Variants in TMOD1 observed in about 807,000 individuals in gnomAD.
TMOD1 encodes tropomodulin-1.
Under a neutral mutation model 40.6 loss-of-function variants are expected in TMOD1, and 17 were observed. The ratio of observed to expected loss-of-function variants is 0.42; its 90% CI spans 0.29 to 0.63. The LOEUF (loss-of-function observed/expected upper bound fraction) is 0.63, where lower values mean the gene tolerates loss of function less well. TMOD1 is among the 20% of genes least tolerant of loss of function. The pLI is 0.22. For synonymous variants in TMOD1, 181 were observed against 175.0 expected (o/e 1.03, Z -0.27); for missense variants, 391 against 447.6 (o/e 0.87, Z 1.14).
At chr9:97,582,339 G>A (rs1213199960) in intron 8 of TMOD1, among the ~76,000 whole-genome samples, 1 of 144,096 alleles carries the variant, frequency 6.9e-6, no homozygotes, top group African/African-American at 2.6e-5. Flanking sequence ...TGAGGGCTCT[G>A]TTCTGTTCCA....
rs189544502 is a variant in TMOD1, at chr9:97,557,009, C to A, written c.397+3609C>A. On this transcript the variant is annotated intron_variant, in intron 4 of 9. Coordinates refer to ENST00000259365, the MANE Select transcript of TMOD1 (RefSeq NM_003275.4). The surrounding 1 kb of genome is among the most constrained non-coding windows in gnomAD (Gnocchi z 4.4). ...ACTCAGGTGTGACACGGGTGAGATGCATCACTCATGTATTCACCTAACTGC... is the reference window on the plus strand; with the variant it reads ...ACTCAGGTGTGACACGGGTGAGATGAATCACTCATGTATTCACCTAACTGC... Among the ~76,000 whole-genome samples, 29 of 152,230 alleles carry A rather than the reference C, an allele frequency of 1.9e-4. No homozygotes were observed. The highest frequency in any genetic ancestry group is 6.5e-4 in the African/African-American group (27 of 41,544).
intron 8 of TMOD1, among the ~76,000 whole-genome samples, chr9:97,581,027 G>T: frequency 7.5e-6 from 1 of 133,932 alleles, no homozygotes; most frequent in African/African-American, 2.8e-5. Context: ...AAGTTTTAGG[G>T]TACATGTGCA....
Position 97,501,794 on chromosome 9 carries a change from C to T in TMOD1, c.-58C>T, listed in dbSNP as rs1373414266. The T allele has an allele frequency of 6.5e-6, 1 of 152,822 alleles. No homozygotes were observed. The highest frequency in any genetic ancestry group is 2.4e-5 in the African/African-American group (1 of 41,344). 9.5% of individuals were successfully genotyped at this position (152,822 alleles called of 1,614,324 possible). On this transcript the variant is annotated 5_prime_UTR_variant, in exon 1 of 10. Coordinates refer to ENST00000259365, the MANE Select transcript of TMOD1 (RefSeq NM_003275.4). ...CCGCGTCCGCGCCGGCCCCACAGCT[C>T]TGCGTCCGGGTAAGCCCCCACCCCG...
chr9:97,531,428 TA>T (rs2131230173), intron 2 of TMOD1, among the ~76,000 whole-genome samples: 1 of 152,120 alleles, frequency 6.6e-6, no homozygotes, highest in African/African-American at 2.4e-5. Context: ...CTGGCCAACA[TA>T]GAGAAACCCT....
chr9:97,577,431 C>A (rs1418838588), intron 8 of TMOD1, among the ~76,000 whole-genome samples: 1 of 152,144 alleles, frequency 6.6e-6, no homozygotes, highest in African/African-American at 2.4e-5. Context: ...TGCAACTGAC[C>A]CATGCTAGGA....
At chr9:97,569,946 G>GTT (rs549426839) in intron 8 of TMOD1, among the ~76,000 whole-genome samples, 4 of 147,284 alleles carry the variant, frequency 2.7e-5, no homozygotes, top group African/African-American at 9.9e-5. Context: ...TGGGGACTCA[G>GTT]TTTTTTTTTT....
intron 1 of TMOD1, among the ~76,000 whole-genome samples, chr9:97,508,142 G>T (rs1271951373): frequency 6.7e-6 from 1 of 150,042 alleles, no homozygotes; most frequent in Non-Finnish European, 1.5e-5. Context: ...CAAATCCAAG[G>T]TCTACTAGTT....
At chr9:97,575,491 C>G (rs1830918476) in intron 8 of TMOD1, among the ~76,000 whole-genome samples, 1 of 152,242 alleles carries the variant, frequency 6.6e-6, no homozygotes, top group Non-Finnish European at 1.5e-5. Context: ...GAGCAGGTAT[C>G]TCAAAGGGGG....
At chr9:97,516,851 A>G (rs1829818409) in intron 1 of TMOD1, 1 of 152,174 alleles carries the variant, frequency 6.6e-6, no homozygotes, top group African/African-American at 2.4e-5. Flanking sequence ...GTTAGTGTTT[A>G]ATAGGGACAG....
chr9:97,588,980 G>T (rs1476291067), intron 8 of TMOD1, among the ~76,000 whole-genome samples: 1 of 151,690 alleles, frequency 6.6e-6, no homozygotes, highest in Non-Finnish European at 1.5e-5. Context: ...AGCCACGTAT[G>T]GTGGCATGCG....
intron 2 of TMOD1, among the ~76,000 whole-genome samples, chr9:97,539,980 A>AAG (rs1181582634): frequency 6.6e-6 from 1 of 151,424 alleles, no homozygotes; most frequent in Non-Finnish European, 1.5e-5. Flanking sequence ...TCAAAAAAAA[A>AAG]AAAAAAAAAA....
At chr9:97,576,261 C>T (rs767280176) in intron 8 of TMOD1, among the ~76,000 whole-genome samples, 11 of 152,064 alleles carry the variant, frequency 7.2e-5, no homozygotes, top group Non-Finnish European at 1.6e-4. Flanking sequence ...GTCAACATAG[C>T]AAGACCCCAT....
chr9:97,576,861 G>C (rs918792304), intron 8 of TMOD1, among the ~76,000 whole-genome samples: 1 of 151,744 alleles, frequency 6.6e-6, no homozygotes, highest in Non-Finnish European at 1.5e-5. Context: ...GGATGGTCTC[G>C]ATCTCCTGAC....
chr9:97,566,104 T>C, intron 7 of TMOD1, 149 bp downstream of exon 7: 1 of 615,032 alleles, frequency 1.6e-6, no homozygotes, highest in Non-Finnish European at 2.8e-6. Flanking sequence ...ATGAGGGGTG[T>C]AGAGGGAACA....
rs1829524146 is a variant in TMOD1 at position 97,502,684 on chromosome 9, C to T, written c.-49+881C>T. Among the ~76,000 whole-genome samples the T allele has an allele frequency of 6.6e-6, 1 of 152,192 alleles. No homozygotes were observed. Among genetic ancestry groups the T allele is most frequent in the East Asian group, 1.9e-4 (1 of 5,178 alleles). On this transcript the variant is annotated intron_variant, in intron 1 of 9. Coordinates refer to ENST00000259365, the MANE Select transcript of TMOD1 (RefSeq NM_003275.4). This position sits in a 1 kb window ranked among gnomAD's most constrained non-coding sequence, Gnocchi z 6.1. ...CGCTGCAGAAATCGGAGACTGACTG[C>T]CCCAGACTCGATCGTATCCTGGGAC... is the stretch of plus-strand genomic sequence containing the variant.
intron 8 of TMOD1, among the ~76,000 whole-genome samples, chr9:97,576,033 G>A (rs574418986): frequency 2.5e-4 from 38 of 152,060 alleles, no homozygotes; most frequent in Admixed American, 2.0e-3. Context: ...TTCGTAACAC[G>A]AAAAAACAGA....
At chr9:97,553,864 A>G (rs1830491811) in intron 4 of TMOD1, among the ~76,000 whole-genome samples, 1 of 152,192 alleles carries the variant, frequency 6.6e-6, no homozygotes, top group Non-Finnish European at 1.5e-5. Flanking sequence ...ACCCTTGTAT[A>G]TCGCATATTT....
intron 8 of TMOD1, among the ~76,000 whole-genome samples, chr9:97,570,909 G>A (rs1830807975): frequency 1.3e-5 from 2 of 152,218 alleles, no homozygotes; most frequent in Admixed American, 6.5e-5. Context: ...CACATGAGCT[G>A]GCAGCAGCCG....
At chr9:97,504,278 G>C (rs778311143) in intron 1 of TMOD1, among the ~76,000 whole-genome samples, 2 of 152,154 alleles carry the variant, frequency 1.3e-5, no homozygotes, top group Non-Finnish European at 2.9e-5. Flanking sequence ...GTGGTGAGGG[G>C]GAAAGGCAGG....
Sources: gnomAD v4.1 joint callset for allele counts (sites outside exome capture counted in the v4.1 genomes callset) on GRCh38, gnomAD v4.1.1 for gene constraint, Gnocchi (gnomAD v3.1) non-coding constraint, MANE v1.5 for transcripts, NCBI Gene and HGNC (gene_info 2026-07-23, HGNC 2026-07-21) for gene names.